CTNNA3: variants seen among roughly 807,000 people sequenced by gnomAD.
CTNNA3 encodes the protein catenin alpha 3, also known as catenin alpha-3.
A neutral mutation model predicts 95.7 loss-of-function variants in CTNNA3; 76 were observed. The ratio of observed to expected loss-of-function variants is 0.79; its 90% CI spans 0.66 to 0.96. CTNNA3 has a LOEUF of 0.96. Among genes scored for constraint, CTNNA3 ranks in the 40% least tolerant of loss-of-function variants. The pLI is 0.00. For synonymous variants in CTNNA3, 431 were observed against 374.4 expected (o/e 1.15, Z -1.74); for missense variants, 1,191 against 1,089.8 (o/e 1.09, Z -1.31).
intron 15 of CTNNA3, among the ~76,000 whole-genome samples, chr10:66,014,721 G>T (rs1318667960): frequency 6.6e-6 from 1 of 152,078 alleles, no homozygotes; most frequent in Non-Finnish European, 1.5e-5. Context: ...AGTTTACATT[G>T]TATTTAACTT....
At chr10:67,503,566 A>G (rs1313022008) in intron 5 of CTNNA3, among the ~76,000 whole-genome samples, 1 of 152,168 alleles carries the variant, frequency 6.6e-6, no homozygotes, top group African/African-American at 2.4e-5. Flanking sequence ...TTAATCTAAA[A>G]ATACTCACAA....
chr10:66,742,520 T>C (rs1849361978), intron 9 of CTNNA3, among the ~76,000 whole-genome samples: 1 of 152,064 alleles, frequency 6.6e-6, no homozygotes, highest in African/African-American at 2.4e-5. Context: ...ATTCATACAC[T>C]CCCTCCCCTT....
At chr10:66,338,895 T>G (rs1266809114) in intron 12 of CTNNA3, among the ~76,000 whole-genome samples, 1 of 151,802 alleles carries the variant, frequency 6.6e-6, no homozygotes, top group Non-Finnish European at 1.5e-5. Flanking sequence ...TGAAATAATT[T>G]TAAAAAATAA....
intron 16 of CTNNA3, among the ~76,000 whole-genome samples, chr10:65,983,733 C>G (rs1021426548): frequency 6.6e-6 from 1 of 151,236 alleles, no homozygotes; most frequent in Non-Finnish European, 1.5e-5. Context: ...ATTCTGAAGT[C>G]TAAAAAATGT....
intron 4 of CTNNA3, among the ~76,000 whole-genome samples, chr10:67,523,754 T>C (rs1840055527): frequency 6.6e-6 from 1 of 152,204 alleles, no homozygotes; most frequent in African/African-American, 2.4e-5. Flanking sequence ...CCCCCACTTA[T>C]AACAATAAAC....
chr10:66,625,904 G>T (rs1297441034), intron 9 of CTNNA3, among the ~76,000 whole-genome samples: 1 of 152,100 alleles, frequency 6.6e-6, no homozygotes, highest in Non-Finnish European at 1.5e-5. Flanking sequence ...TCAGGAGGAT[G>T]ATCAGGCTTG....
intron 1 of CTNNA3, among the ~76,000 whole-genome samples, chr10:67,677,924 TAGG>T (rs1840563187): frequency 6.6e-6 from 1 of 152,044 alleles, no homozygotes; most frequent in Non-Finnish European, 1.5e-5. Flanking sequence ...ATAATAGGAG[TAGG>T]AGAAGAGTTG....
intron 5 of CTNNA3, among the ~76,000 whole-genome samples, chr10:67,429,959 A>G (rs1348538405): frequency 1.3e-5 from 2 of 152,002 alleles, no homozygotes; most frequent in African/African-American, 2.4e-5. Context: ...AGAATCATCA[A>G]TTGAGGGAAT....
At chr10:66,048,621 C>T (rs894341903) in intron 15 of CTNNA3, among the ~76,000 whole-genome samples, 7 of 152,058 alleles carry the variant, frequency 4.6e-5, no homozygotes, top group Non-Finnish European at 7.4e-5. Flanking sequence ...ATTAGCCAGG[C>T]GTGCTGGTGG....
intron 10 of CTNNA3, among the ~76,000 whole-genome samples, chr10:66,593,496 G>A (rs1843617800): frequency 6.6e-6 from 1 of 151,950 alleles, no homozygotes; most frequent in South Asian, 2.1e-4. Flanking sequence ...TCTAGGGTAG[G>A]GCCTCAATAT....
intron 5 of CTNNA3, among the ~76,000 whole-genome samples, chr10:67,274,061 C>G (rs770481739): frequency 3.9e-5 from 6 of 151,990 alleles, no homozygotes; most frequent in Non-Finnish European, 7.4e-5. Context: ...TACTATAAAA[C>G]AAAAACATTG....
chr10:66,767,956 T>C (rs1415744056), intron 8 of CTNNA3, among the ~76,000 whole-genome samples: 1 of 152,184 alleles, frequency 6.6e-6, no homozygotes, highest in Non-Finnish European at 1.5e-5. Context: ...TACTGAGCAC[T>C]TATTAGGACA....
chr10:66,001,748 T>A (rs954633971), intron 15 of CTNNA3, among the ~76,000 whole-genome samples: 1 of 152,170 alleles, frequency 6.6e-6, no homozygotes, highest in South Asian at 2.1e-4. Context: ...TACTTATTTT[T>A]TACTGTTCTT....
chr10:67,727,705 A>C (rs1330362910), intron 1 of CTNNA3, among the ~76,000 whole-genome samples: 1 of 128,646 alleles, frequency 7.8e-6, no homozygotes, highest in Non-Finnish European at 1.6e-5. Flanking sequence ...TAGATCATAG[A>C]TAATATATAT....
intron 11 of CTNNA3, among the ~76,000 whole-genome samples, chr10:66,490,116 T>TA (rs1475380084): frequency 6.6e-6 from 1 of 152,200 alleles, no homozygotes; most frequent in African/African-American, 2.4e-5. Flanking sequence ...AATTCTAGAC[T>TA]AACTTTGGTG....
chr10:67,145,015 C>T (rs1166412201), intron 7 of CTNNA3, among the ~76,000 whole-genome samples: 1 of 152,030 alleles, frequency 6.6e-6, no homozygotes, highest in African/African-American at 2.4e-5. Flanking sequence ...TATTACTTGG[C>T]CTAATTTCAA....
chr10:67,388,871 G>A (rs1002029333), intron 5 of CTNNA3, among the ~76,000 whole-genome samples: 4 of 152,160 alleles, frequency 2.6e-5, no homozygotes, highest in Non-Finnish European at 4.4e-5. Context: ...GAGAGATTTT[G>A]TCACCACCAG....
chr10:67,008,070 C>A (rs1852112211), intron 7 of CTNNA3, among the ~76,000 whole-genome samples: 1 of 151,200 alleles, frequency 6.6e-6, no homozygotes, highest in Admixed American at 6.6e-5. Flanking sequence ...TGAGATGTTT[C>A]TTTTTTCTTG....
intron 12 of CTNNA3, among the ~76,000 whole-genome samples, chr10:66,304,753 T>C (rs755012267): frequency 1.3e-5 from 2 of 152,120 alleles, no homozygotes; most frequent in Non-Finnish European, 2.9e-5. Context: ...ATTGACTGTG[T>C]AACAAAAGTA....
Sources: allele counts gnomAD v4.1 joint callset (sites outside exome capture counted in the v4.1 genomes callset), GRCh38; gene constraint gnomAD v4.1.1; transcripts MANE v1.5; gene names NCBI Gene and HGNC (gene_info 2026-07-23, HGNC 2026-07-21).